Variants in LRMDA observed in about 807,000 individuals in gnomAD.
The protein encoded by LRMDA is leucine-rich melanocyte differentiation-associated protein.
LRMDA carries 18 observed loss-of-function variants against 29.8 expected under a neutral mutation model. That is an observed-to-expected ratio of 0.60 (90% confidence interval 0.42 to 0.90). LRMDA has a LOEUF of 0.90. Among genes scored for constraint, LRMDA ranks in the 40% least tolerant of loss-of-function variants. LRMDA has a pLI of 0.00. For missense variants in LRMDA, 273 were observed against 273.9 expected (o/e 1.00, Z 0.02); for synonymous variants, 125 against 109.4 (o/e 1.14, Z -0.89).
At chr10:75,476,905 G>A (rs1248075149) in intron 2 of LRMDA, among the ~76,000 whole-genome samples, 2 of 152,200 alleles carry the variant, frequency 1.3e-5, no homozygotes, top group East Asian at 3.9e-4. Flanking sequence ...CTTGCAGAAG[G>A]CTGTGTTCTC....
chr10:76,284,652 T>A (rs2132338637), intron 5 of LRMDA, among the ~76,000 whole-genome samples: 1 of 152,272 alleles, frequency 6.6e-6, no homozygotes, highest in Admixed American at 6.5e-5. Flanking sequence ...TTGTTTAAGA[T>A]AGGGACTGAT....
intron 2 of LRMDA, among the ~76,000 whole-genome samples, chr10:75,623,836 C>T (rs1564525157): frequency 6.6e-6 from 1 of 152,198 alleles, no homozygotes; most frequent in Non-Finnish European, 1.5e-5. Context: ...AGCTAGAAAG[C>T]AACCGATTTT....
chr10:76,194,875 T>G (rs1184048408), intron 5 of LRMDA, among the ~76,000 whole-genome samples: 1 of 152,184 alleles, frequency 6.6e-6, no homozygotes, highest in Non-Finnish European at 1.5e-5. Context: ...CCTTTAATGT[T>G]CCAAAGTACA....
intron 2 of LRMDA, among the ~76,000 whole-genome samples, chr10:75,770,988 T>A (rs1411967880): frequency 6.6e-6 from 1 of 152,096 alleles, no homozygotes; most frequent in Admixed American, 6.5e-5. Context: ...TGTGTAGACG[T>A]GTCCGTGGGG....
chr10:76,329,106 C>T (rs1199743517), intron 6 of LRMDA, among the ~76,000 whole-genome samples: 1 of 152,186 alleles, frequency 6.6e-6, no homozygotes, highest in East Asian at 1.9e-4. Context: ...CCATGCGTTG[C>T]CCTGCTCCTC....
At chr10:76,246,135 G>A (rs1340642183) in intron 5 of LRMDA, among the ~76,000 whole-genome samples, 1 of 152,156 alleles carries the variant, frequency 6.6e-6, no homozygotes, top group Non-Finnish European at 1.5e-5. Flanking sequence ...CAGTGAGCCA[G>A]GATTCCAATC....
intron 5 of LRMDA, among the ~76,000 whole-genome samples, chr10:76,204,690 T>G (rs921872616): frequency 6.6e-6 from 1 of 152,234 alleles, no homozygotes; most frequent in African/African-American, 2.4e-5. Context: ...TAAAATGTCC[T>G]AGAAAAGCCA....
intron 5 of LRMDA, among the ~76,000 whole-genome samples, chr10:76,193,576 G>C (rs923269849): frequency 2.6e-5 from 4 of 151,866 alleles, no homozygotes; most frequent in African/African-American, 7.3e-5. Flanking sequence ...TATTATTATC[G>C]CATATCTCTG....
At chr10:76,068,726 C>A (rs1848827531) in intron 5 of LRMDA, among the ~76,000 whole-genome samples, 1 of 152,150 alleles carries the variant, frequency 6.6e-6, no homozygotes, top group Non-Finnish European at 1.5e-5. Context: ...CCAACCTGAA[C>A]AGAGTTAAAA....
At chr10:76,087,435 C>T (rs1421217958) in intron 5 of LRMDA, among the ~76,000 whole-genome samples, 4 of 152,180 alleles carry the variant, frequency 2.6e-5, no homozygotes, top group East Asian at 1.9e-4. Context: ...TTCTGCATAG[C>T]GTAAGCTTTT....
intron 5 of LRMDA, among the ~76,000 whole-genome samples, chr10:76,138,815 G>A (rs997992242): frequency 1.2e-4 from 18 of 152,224 alleles, no homozygotes; most frequent in East Asian, 1.2e-3. Context: ...CTTTTATATG[G>A]TTTATGCATT....
At chr10:75,732,293 A>T (rs1373250618) in intron 2 of LRMDA, among the ~76,000 whole-genome samples, 1 of 152,202 alleles carries the variant, frequency 6.6e-6, no homozygotes, top group African/African-American at 2.4e-5. Flanking sequence ...GAAAGGAAGC[A>T]TCAATTGATG....
chr10:75,500,124 C>A (rs1845094325), intron 2 of LRMDA, among the ~76,000 whole-genome samples: 1 of 152,128 alleles, frequency 6.6e-6, no homozygotes, highest in Non-Finnish European at 1.5e-5. Context: ...CACTGAGCTG[C>A]TTCTGACTGA....
intron 2 of LRMDA, among the ~76,000 whole-genome samples, chr10:75,715,806 T>G (rs1842492838): frequency 1.3e-5 from 2 of 151,878 alleles, no homozygotes. Flanking sequence ...TCCCTCCCTT[T>G]TCCCTCCCGC....
chr10:76,138,901 C>T (rs2132147118), intron 5 of LRMDA, among the ~76,000 whole-genome samples: 1 of 152,158 alleles, frequency 6.6e-6, no homozygotes. Flanking sequence ...TTTGGCTTTA[C>T]ATCATTTTTT....
intron 5 of LRMDA, among the ~76,000 whole-genome samples, chr10:76,205,612 T>A (rs1851519703): frequency 6.6e-6 from 1 of 152,196 alleles, no homozygotes; most frequent in South Asian, 2.1e-4. Flanking sequence ...TGAATCATAA[T>A]GCTACTGAGA....
chr10:75,991,613 A>C (rs1377792608), intron 2 of LRMDA, among the ~76,000 whole-genome samples: 1 of 152,208 alleles, frequency 6.6e-6, no homozygotes, highest in Non-Finnish European at 1.5e-5. Flanking sequence ...ATTGAGAAAA[A>C]TTCTGACCCA....
intron 2 of LRMDA, among the ~76,000 whole-genome samples, chr10:75,930,675 C>T (rs1341291372): frequency 6.6e-6 from 1 of 152,106 alleles, no homozygotes; most frequent in African/African-American, 2.4e-5. Flanking sequence ...GCTGAGAGAG[C>T]CTTCATCTAT....
intron 2 of LRMDA, among the ~76,000 whole-genome samples, chr10:75,858,901 T>G (rs765349994): frequency 6.6e-6 from 1 of 152,244 alleles, no homozygotes; most frequent in African/African-American, 2.4e-5. Context: ...GACTTCTGCT[T>G]CTTCTGTGAA....
Sources: gnomAD v4.1 joint callset for allele counts (sites outside exome capture counted in the v4.1 genomes callset) on GRCh38, gnomAD v4.1.1 for gene constraint, MANE v1.5 for transcripts, NCBI Gene and HGNC (gene_info 2026-07-23, HGNC 2026-07-21) for gene names.